The following LINGO2 variants were observed in gnomAD, a reference collection of about 807,000 sequenced individuals.
LINGO2 encodes leucine rich repeat and Ig domain containing 2.
Under a neutral mutation model 30.6 loss-of-function variants are expected in LINGO2, and 14 were observed. The ratio of observed to expected loss-of-function variants is 0.46; its 90% CI spans 0.30 to 0.72. LINGO2 has a LOEUF of 0.72. LINGO2 is among the 30% of genes least tolerant of loss of function. LINGO2 has a pLI of 0.07. For synonymous variants in LINGO2, 317 were observed against 288.5 expected (o/e 1.10, Z -1.00); for missense variants, 729 against 751.7 (o/e 0.97, Z 0.35).
At chr9:28,970,284 G>C in the LINGO2 span, among the ~76,000 whole-genome samples, 1 of 152,168 alleles carries the variant, frequency 6.6e-6, no homozygotes, top group African/African-American at 2.4e-5. Context: ...GGAAAAGGAA[G>C]ACATTTCATT....
the LINGO2 span, among the ~76,000 whole-genome samples, chr9:28,931,532 G>C: frequency 6.6e-6 from 1 of 152,148 alleles, no homozygotes; most frequent in Non-Finnish European, 1.5e-5. Flanking sequence ...GCTATAATCT[G>C]GGGCTGTACT....
At chr9:28,949,056 G>A in the LINGO2 span, among the ~76,000 whole-genome samples, 3 of 151,990 alleles carry the variant, frequency 2.0e-5, no homozygotes, top group Non-Finnish European at 4.4e-5. Flanking sequence ...CAGAAGCCAA[G>A]TAAGAAATTC....
intron 3 of LINGO2, among the ~76,000 whole-genome samples, chr9:28,360,223 T>C (rs1238870912): frequency 4.6e-5 from 7 of 152,132 alleles, no homozygotes; most frequent in African/African-American, 1.7e-4. Context: ...GAAAAATGAA[T>C]TTCAAAATTC....
At chr9:28,644,233 T>C (rs759480392) in intron 1 of LINGO2, among the ~76,000 whole-genome samples, 3 of 152,084 alleles carry the variant, frequency 2.0e-5, no homozygotes, top group Non-Finnish European at 4.4e-5. Context: ...ATCGAAGAGA[T>C]AGCTGCACTC....
chr9:28,973,971 T>G, the LINGO2 span, among the ~76,000 whole-genome samples: 1 of 152,208 alleles, frequency 6.6e-6, no homozygotes, highest in Non-Finnish European at 1.5e-5. Flanking sequence ...TCACTGGTAA[T>G]AGTAAGTACA....
the LINGO2 span, among the ~76,000 whole-genome samples, chr9:29,057,596 G>A: frequency 5.3e-5 from 8 of 152,040 alleles, no homozygotes; most frequent in Non-Finnish European, 1.2e-4. Context: ...CTGAGTTTGG[G>A]GCTACTAAGC....
At chr9:28,134,071 A>G (rs1048282944) in intron 4 of LINGO2, among the ~76,000 whole-genome samples, 29 of 152,138 alleles carry the variant, frequency 1.9e-4, no homozygotes, top group African/African-American at 7.0e-4. Context: ...CCAATTCACT[A>G]ATTTCTATCC....
chr9:27,954,664 G>A (rs1819479544), intron 5 of LINGO2, among the ~76,000 whole-genome samples: 1 of 152,096 alleles, frequency 6.6e-6, no homozygotes, highest in South Asian at 2.1e-4. Flanking sequence ...TGGGCATACA[G>A]ATATACCTTT....
intron 4 of LINGO2, among the ~76,000 whole-genome samples, chr9:28,220,538 CT>C (rs1820920141): frequency 6.6e-6 from 1 of 152,126 alleles, no homozygotes; most frequent in South Asian, 2.1e-4. Context: ...ATGTTTTTGA[CT>C]AAAGGCTCTG....
At chr9:28,149,419 G>A (rs944373346) in intron 4 of LINGO2, among the ~76,000 whole-genome samples, 6 of 151,696 alleles carry the variant, frequency 4.0e-5, no homozygotes. Context: ...GAGCACCTCT[G>A]CCCAGCTGCC....
rs553857759 is a variant in LINGO2 at position 28,370,954 on chromosome 9, A to G, written c.-246+1882T>C. 2.0e-5 allele frequency among the ~76,000 whole-genome samples: 3 copies of G among 152,300 alleles called. No individual in the cohort carries two copies. In the East Asian group the frequency reaches 5.8e-4, roughly 29 times the overall value. ...GTTACTGGGCTTCCCTTTTATAAGAAGGGCATGAGTATACCTACAGTGGCT... is the reference window on the plus strand; with the variant it reads ...GTTACTGGGCTTCCCTTTTATAAGAGGGGCATGAGTATACCTACAGTGGCT... On this transcript the variant is annotated intron_variant, in intron 3 of 5. Transcript: ENST00000379992.
At chr9:28,863,698 A>C in the LINGO2 span, 2 of 528,066 alleles carry the variant, frequency 3.8e-6, no homozygotes, top group South Asian at 1.4e-5. Flanking sequence ...AGAAATCCAC[A>C]GCACTTCACA....
intron 5 of LINGO2, among the ~76,000 whole-genome samples, chr9:27,994,148 A>G (rs114112128): frequency 0.011 from 1,645 of 152,164 alleles, 29 homozygotes; most frequent in African/African-American, 0.037. Flanking sequence ...ATACAGCAAA[A>G]GTAGTACTAA....
the LINGO2 span, among the ~76,000 whole-genome samples, chr9:29,141,097 G>A: frequency 6.6e-6 from 1 of 151,960 alleles, no homozygotes. Flanking sequence ...AATATTTGAA[G>A]CATAGATTGC....
intron 1 of LINGO2, among the ~76,000 whole-genome samples, chr9:28,586,635 C>T (rs1316558142): frequency 1.3e-5 from 2 of 152,002 alleles, no homozygotes; most frequent in Non-Finnish European, 2.9e-5. Context: ...ATCTGTCCTT[C>T]CAATAGCCAA....
chr9:28,958,307 T>C, the LINGO2 span, among the ~76,000 whole-genome samples: 2 of 152,206 alleles, frequency 1.3e-5, no homozygotes, highest in African/African-American at 4.8e-5. Context: ...CAATGTCTCA[T>C]GGTGACCCTG....
the LINGO2 span, among the ~76,000 whole-genome samples, chr9:28,750,622 T>A: frequency 6.6e-6 from 1 of 152,052 alleles, no homozygotes; most frequent in Non-Finnish European, 1.5e-5. Context: ...TGAAAAAAAT[T>A]AACAGATTTG....
intron 1 of LINGO2, among the ~76,000 whole-genome samples, chr9:28,587,863 AG>A: frequency 6.6e-6 from 1 of 152,078 alleles, no homozygotes; most frequent in Admixed American, 6.6e-5. Context: ...AAGGGCATAA[AG>A]GACAAGAACA....
intron 1 of LINGO2, among the ~76,000 whole-genome samples, chr9:28,512,591 GTGTATATATATATATATATATA>G (rs569805255): frequency 0.31 from 4,853 of 15,798 alleles, 251 homozygotes; most frequent in Non-Finnish European, 0.37. Flanking sequence ...ATATATATGT[GTGTATATATATATATATATATA>G]TATATATATA....
Sources: allele counts gnomAD v4.1 joint callset (sites outside exome capture counted in the v4.1 genomes callset), GRCh38; gene constraint gnomAD v4.1.1; transcripts MANE v1.5; gene names NCBI Gene and HGNC (gene_info 2026-07-23, HGNC 2026-07-21).